The following GSE1 variants were observed in gnomAD, a reference collection of about 807,000 sequenced individuals.
GSE1 encodes the protein genetic suppressor element 1.
In GSE1, 32 loss-of-function variants were observed where a neutral mutation model predicts 112.6. The observed-to-expected ratio is 0.28, with a 90% confidence interval of 0.21 to 0.38. The LOEUF is 0.38. Among genes scored for constraint, GSE1 ranks in the 10% least tolerant of loss-of-function variants. GSE1 has a pLI of 1.00. For missense variants in GSE1, 2,348 were observed against 1,699.2 expected, an observed-to-expected ratio of 1.38 and a Z score of -6.71; for synonymous variants, 1,115 against 735.6, an observed-to-expected ratio of 1.52 and a Z score of -8.35.
At chr16:85,299,143 GT>G (rs1439812267) in intron 1 of GSE1, among the ~76,000 whole-genome samples, 1 of 152,240 alleles carries the variant, frequency 6.6e-6, no homozygotes, top group African/African-American at 2.4e-5. Flanking sequence ...TCCCATGTCC[GT>G]ATGTTTGCAC....
chr16:85,515,965 G>GGCAAGCAGGGGAAAGGGCAGAGA, intron 2 of GSE1, among the ~76,000 whole-genome samples: 1 of 152,190 alleles, frequency 6.6e-6, no homozygotes, highest in African/African-American at 2.4e-5. Context: ...TTGGGCAGGG[G>GGCAAGCAGGGGAAAGGGCAGAGA]GCAAGCAGGG....
chr16:85,174,329 A>C (rs59334819), intron 1 of GSE1, among the ~76,000 whole-genome samples: 2,685 of 152,338 alleles, frequency 0.018, 80 homozygotes, highest in African/African-American at 0.062. Flanking sequence ...AGATCTGCTC[A>C]GGGCCCAGAG....
At chr16:85,632,833 T>G (rs1274591501) in intron 1 of GSE1, among the ~76,000 whole-genome samples, 1 of 152,062 alleles carries the variant, frequency 6.6e-6, no homozygotes, top group Non-Finnish European at 1.5e-5. Context: ...CTGTGGGTGA[T>G]GTAGGGGTGG....
At chr16:85,381,426 A>C (rs556271624) in intron 2 of GSE1, among the ~76,000 whole-genome samples, 2 of 152,120 alleles carry the variant, frequency 1.3e-5, no homozygotes, top group African/African-American at 2.4e-5. Flanking sequence ...TGAGTGTGCA[A>C]ATTGGTCCTT....
chr16:85,246,200 TACACACAC>T (rs545313239), intron 1 of GSE1, among the ~76,000 whole-genome samples: 18,939 of 88,840 alleles, frequency 0.21, 1,875 homozygotes, highest in South Asian at 0.39. Context: ...TCAGGGACCC[TACACACAC>T]ACACACACAC....
At chr16:85,606,918 G>A (rs187475409), upstream of GSE1, among the ~76,000 whole-genome samples, 690 of 152,284 alleles carry the variant, frequency 4.5e-3, 3 homozygotes, top group Non-Finnish European at 7.4e-3. Context: ...CCCCTGCCTC[G>A]GCCTGGCCCC....
In GSE1 at chr16:85,365,987, A is replaced by G. The variant is rs995641118; in HGVS notation, c.2464+8344A>G. Among the ~76,000 whole-genome samples the G allele has an allele frequency of 9.8e-5, 15 of 152,348 alleles. No individual in the cohort carries two copies. In the East Asian group the frequency reaches 1.2e-3, roughly 12 times the overall value. ...TCAGATGCTTGCCTGGCACACGGGA[A>G]TGTGTGAGCTGGGCCTGCCCTGGCA... On this transcript the variant is annotated intron_variant, in intron 2 of 2. Transcript: ENST00000637419.
intron 2 of GSE1, among the ~76,000 whole-genome samples, chr16:85,494,447 G>C: frequency 7.3e-6 from 1 of 137,632 alleles, no homozygotes; most frequent in Non-Finnish European, 1.5e-5. Context: ...TTCCAAATAA[G>C]GTCACCTTTT....
intron 2 of GSE1, among the ~76,000 whole-genome samples, chr16:85,358,665 T>C (rs1011090161): frequency 6.6e-6 from 1 of 152,180 alleles, no homozygotes; most frequent in African/African-American, 2.4e-5. Context: ...ACCGACCTCT[T>C]TCTCTTTGTG....
At chr16:85,654,128 C>T (rs1354542490) in intron 3 of GSE1, 150 bp from the exon 4 acceptor site, 6 of 709,790 alleles carry the variant, frequency 8.5e-6, no homozygotes. Flanking sequence ...CCACATGCAC[C>T]ATGTTTTGCG....
chr16:85,628,187 G>A (rs992657806), intron 1 of GSE1, among the ~76,000 whole-genome samples: 1 of 152,264 alleles, frequency 6.6e-6, no homozygotes, highest in East Asian at 1.9e-4. Context: ...CGCCTGCCCA[G>A]TGCACACATA....
intron 2 of GSE1, among the ~76,000 whole-genome samples, chr16:85,524,000 T>A (rs1253416822): frequency 1.3e-5 from 2 of 152,146 alleles, no homozygotes; most frequent in Non-Finnish European, 2.9e-5. Context: ...TGATGCTGTT[T>A]CCGAGACCCC....
intron 1 of GSE1, among the ~76,000 whole-genome samples, chr16:85,249,754 G>T (rs73251968): frequency 1.9e-4 from 29 of 152,354 alleles, no homozygotes; most frequent in African/African-American, 6.7e-4. Context: ...GCCTGGCTTG[G>T]AGTCGGGGCT....
intron 1 of GSE1, among the ~76,000 whole-genome samples, chr16:85,335,827 G>A (rs560616139): frequency 7.4e-5 from 11 of 147,742 alleles, no homozygotes; most frequent in East Asian, 4.0e-4. Context: ...CCAAGCAGCC[G>A]GGCGCGCTGG....
intron 1 of GSE1, among the ~76,000 whole-genome samples, chr16:85,585,761 C>G (rs2046664151): frequency 6.6e-6 from 1 of 152,226 alleles, no homozygotes; most frequent in Non-Finnish European, 1.5e-5. Flanking sequence ...GAGCATCATC[C>G]CACTCTGAGA....
chr16:85,482,993 A>ACAAAC (rs574082996), intron 2 of GSE1, among the ~76,000 whole-genome samples: 1 of 150,580 alleles, frequency 6.6e-6, no homozygotes, highest in Non-Finnish European at 1.5e-5. Context: ...AAAAAAAAAA[A>ACAAAC]AAAATACCAA....
At chr16:85,616,449 C>G (rs1285435836) in intron 1 of GSE1, among the ~76,000 whole-genome samples, 1 of 152,162 alleles carries the variant, frequency 6.6e-6, no homozygotes, top group Non-Finnish European at 1.5e-5. Context: ...GAATTCCCAG[C>G]CTGGGTTACT....
exon 1 of GSE1, chr16:85,170,451 G>T: frequency 1.0e-6 from 1 of 985,590 alleles, no homozygotes; most frequent in Non-Finnish European, 1.2e-6. Context: ...GCAGGCCGCT[G>T]GGGGAGACCC....
At chr16:85,631,011 G>C (rs1304315930) in intron 1 of GSE1, among the ~76,000 whole-genome samples, 1 of 138,026 alleles carries the variant, frequency 7.2e-6, no homozygotes, top group Admixed American at 7.0e-5. Context: ...AGTATCCCCT[G>C]GGGGGGTGGT....
Sources: gnomAD v4.1 joint callset for allele counts (sites outside exome capture counted in the v4.1 genomes callset) on GRCh38, gnomAD v4.1.1 for gene constraint, MANE v1.5 for transcripts, NCBI Gene and HGNC (gene_info 2026-07-23, HGNC 2026-07-21) for gene names.